The following GLIPR1L2 variants were observed in gnomAD, a reference collection of about 807,000 sequenced individuals.
The protein encoded by GLIPR1L2 is GLIPR1 like 2.
GLIPR1L2 carries 21 observed loss-of-function variants against 28.4 expected under a neutral mutation model. That is an observed-to-expected ratio of 0.74 (90% CI 0.52 to 1.06). The LOEUF is 1.06. Among genes scored for constraint, GLIPR1L2 ranks in the 50% least tolerant of loss-of-function variants. GLIPR1L2 has a pLI of 0.00. For synonymous variants in GLIPR1L2, 145 were observed against 139.3 expected (o/e 1.04, Z -0.29); for missense variants, 476 against 416.9 (o/e 1.14, Z -1.23).
chr12:75,401,994 G>T (rs2045747166), intron 1 of GLIPR1L2, among the ~76,000 whole-genome samples: 1 of 151,758 alleles, frequency 6.6e-6, no homozygotes, highest in African/African-American at 2.4e-5. Flanking sequence ...TTATTTGCAA[G>T]AACTGGAAAA....
At position 75,430,716 on chromosome 12, in the gene GLIPR1L2, T is replaced by C; in HGVS notation, c.672T>C (p.Ser224=). ...TGTGGACTTTCTTTTTCTTTCTAGG[T>C]AATGCAGATCGTGACCAAGCCACAT... ...RRDKCTDFLC[S]NADRDQATYY... is the part of the protein sequence containing the mutation. The change falls in exon 5 of 6, where the codon AGT becomes AGC. Residue 224 remains serine (S), a splice_region_variant and synonymous_variant. Coordinates refer to ENST00000550916, the MANE Select transcript of GLIPR1L2 (RefSeq NM_001270396.2). 6.5e-7 allele frequency: 1 copy of C among 1,534,002 alleles called. No individual in the cohort carries two copies. The highest frequency in any genetic ancestry group is 8.7e-7 in the Non-Finnish European group (1 of 1,146,212).
intron 1 of GLIPR1L2, among the ~76,000 whole-genome samples, chr12:75,394,176 A>G (rs983845844): frequency 6.6e-6 from 1 of 152,072 alleles, no homozygotes. Context: ...TTTTTCAGAT[A>G]TATGATTTGA....
intron 3 of GLIPR1L2, among the ~76,000 whole-genome samples, chr12:75,414,337 A>G (rs1413569482): frequency 2.0e-5 from 3 of 152,034 alleles, no homozygotes; most frequent in Non-Finnish European, 4.4e-5. Context: ...ATAATACTAT[A>G]AATAATATTA....
intron 3 of GLIPR1L2, among the ~76,000 whole-genome samples, chr12:75,419,655 C>T (rs1398978348): frequency 6.6e-6 from 1 of 152,138 alleles, no homozygotes; most frequent in Non-Finnish European, 1.5e-5. Context: ...CTTAAAGGAG[C>T]TTTAACTGTT....
At chr12:75,406,752 T>A (rs1470618360) in intron 1 of GLIPR1L2, among the ~76,000 whole-genome samples, 1 of 109,300 alleles carries the variant, frequency 9.1e-6, no homozygotes, top group Admixed American at 1.1e-4. Context: ...AGCAAGTCCC[T>A]ATCTCAAAAA....
chr12:75,391,188 G>A lies in GLIPR1L2; in HGVS notation c.72G>A (p.Leu24=), dbSNP rs1248855529. 6 of 1,614,234 alleles carry A rather than the reference G, an allele frequency of 3.7e-6. No homozygotes were observed. In the East Asian group the frequency reaches 1.3e-4, roughly 36 times the overall value. The change falls in exon 1 of 6, where the codon TTG becomes TTA. Residue 24 remains leucine, a synonymous_variant. Transcript: ENST00000550916. The stretch of plus-strand genomic sequence containing the variant: ...TACCCCTGGCAGTAGGGGGCGTTTT[G>A]AAGCTGCGGCTCTGTGAGCTGTGGC... ...QSLPLAVGGV[L]KLRLCELWLL...
At chr12:75,427,249 T>C (rs776609759) in intron 4 of GLIPR1L2, among the ~76,000 whole-genome samples, 4 of 152,046 alleles carry the variant, frequency 2.6e-5, no homozygotes, top group Non-Finnish European at 5.9e-5. Flanking sequence ...TCAATGAAAA[T>C]TAATGATGAG....
At chr12:75,420,569 T>A (rs928116224) in intron 3 of GLIPR1L2, among the ~76,000 whole-genome samples, 3 of 152,038 alleles carry the variant, frequency 2.0e-5, no homozygotes, top group Non-Finnish European at 4.4e-5. Context: ...TGACTTGGTC[T>A]TGGTGAACCA....
At chr12:75,400,955 CA>C (rs1288391074) in intron 1 of GLIPR1L2, among the ~76,000 whole-genome samples, 1 of 151,710 alleles carries the variant, frequency 6.6e-6, no homozygotes, top group African/African-American at 2.4e-5. Flanking sequence ...GTTATTTAAT[CA>C]TATGTAATTT....
chr12:75,415,386 G>A (rs1005677860), intron 3 of GLIPR1L2, among the ~76,000 whole-genome samples: 1 of 152,094 alleles, frequency 6.6e-6, no homozygotes, highest in Non-Finnish European at 1.5e-5. Flanking sequence ...ACAATTAGGA[G>A]GCTGTTGCCT....
chr12:75,406,757 CA>C (rs373650750), intron 1 of GLIPR1L2, among the ~76,000 whole-genome samples: 44 of 110,412 alleles, frequency 4.0e-4, no homozygotes, highest in Admixed American at 7.7e-4. Context: ...GTCCCTATCT[CA>C]AAAAAAAAAA....
intron 3 of GLIPR1L2, among the ~76,000 whole-genome samples, chr12:75,415,187 C>A (rs1053466710): frequency 2.0e-5 from 3 of 151,926 alleles, no homozygotes; most frequent in African/African-American, 7.3e-5. Flanking sequence ...AACAGCTAGA[C>A]CAAATATAAT....
chr12:75,409,866 G>A (rs1037374322), intron 1 of GLIPR1L2, among the ~76,000 whole-genome samples: 6 of 145,598 alleles, frequency 4.1e-5, no homozygotes, highest in Admixed American at 1.4e-4. Flanking sequence ...TATCTAATCC[G>A]ATATATATGA....
intron 3 of GLIPR1L2, among the ~76,000 whole-genome samples, chr12:75,421,906 T>A (rs2139959167): frequency 6.6e-6 from 1 of 152,286 alleles, no homozygotes; most frequent in African/African-American, 2.4e-5. Context: ...ATATCATTTC[T>A]ATGAAACTTT....
intron 1 of GLIPR1L2, among the ~76,000 whole-genome samples, chr12:75,393,266 C>A (rs1338116976): frequency 6.6e-6 from 1 of 152,008 alleles, no homozygotes; most frequent in Non-Finnish European, 1.5e-5. Flanking sequence ...ACCATTTTAA[C>A]CATTTTTAAG....
intron 3 of GLIPR1L2, among the ~76,000 whole-genome samples, chr12:75,414,327 A>G (rs533539369): frequency 6.6e-6 from 1 of 152,174 alleles, no homozygotes; most frequent in East Asian, 1.9e-4. Flanking sequence ...ACAGGTCAAT[A>G]TAATACTATA....
intron 1 of GLIPR1L2, among the ~76,000 whole-genome samples, chr12:75,396,456 C>T (rs2045682419): frequency 6.6e-6 from 1 of 152,162 alleles, no homozygotes. Flanking sequence ...GAATCAGTTT[C>T]CTTGTGCCTA....
intron 3 of GLIPR1L2, among the ~76,000 whole-genome samples, chr12:75,415,858 CT>C (rs1829064402): frequency 6.6e-6 from 1 of 152,060 alleles, no homozygotes; most frequent in Non-Finnish European, 1.5e-5. Context: ...AGAAAACTCT[CT>C]GCTTTTAAAA....
intron 4 of GLIPR1L2, among the ~76,000 whole-genome samples, chr12:75,426,483 A>T (rs1188051374): frequency 6.6e-6 from 1 of 152,196 alleles, no homozygotes; most frequent in Non-Finnish European, 1.5e-5. Flanking sequence ...ACTCACATTG[A>T]TCCATCTTAC....
Sources: gnomAD v4.1 joint callset for allele counts (sites outside exome capture counted in the v4.1 genomes callset) on GRCh38, gnomAD v4.1.1 for gene constraint, MANE v1.5 for transcripts, NCBI Gene and HGNC (gene_info 2026-07-23, HGNC 2026-07-21) for gene names.